OR5K1: variants seen among roughly 807,000 people sequenced by gnomAD.
OR5K1 encodes olfactory receptor family 5 subfamily K member 1.
A neutral mutation model predicts 10.4 loss-of-function variants in OR5K1; 7 were observed. That is an observed-to-expected ratio of 0.67 (90% CI 0.38 to 1.26). OR5K1 has a LOEUF of 1.26. OR5K1 is among the 50% of genes most tolerant of loss of function. The pLI, the probability that OR5K1 is intolerant of heterozygous loss-of-function variation, is 0.02. For missense variants in OR5K1, 435 were observed against 366.2 expected (o/e 1.19, Z -1.53); for synonymous variants, 135 against 128.5 (o/e 1.05, Z -0.34).
chr3:98,465,463 A>G (rs1559639267), intron 1 of OR5K1, among the ~76,000 whole-genome samples: 1 of 152,162 alleles, frequency 6.6e-6, no homozygotes, highest in African/African-American at 2.4e-5. Flanking sequence ...TCTTTGTAGA[A>G]GAGTCTAATT....
At position 98,470,343 on chromosome 3, in the gene OR5K1, T is replaced by C. The variant is rs370522662; in HGVS notation, c.767T>C (p.Phe256Ser). Reference protein sequence around the residue: ...LSVSLFYGSLFFMYVRPNLLE... With the variant: ...LSVSLFYGSLSFMYVRPNLLE... ...GTTTCATTATTCTATGGATCTCTTT[T>C]CTTCATGTACGTTAGACCAAATTTG... The change falls in exon 2 of 2, where the codon TTC (phenylalanine) becomes TCC (serine). Residue 256 changes from phenylalanine to serine, a missense_variant. Coordinates refer to ENST00000642057, the MANE Select transcript of OR5K1 (RefSeq NM_001004736.4). 6.8e-6 allele frequency: 11 copies of C among 1,613,212 alleles called. No homozygotes were observed. In the African/African-American group the frequency reaches 9.4e-5, roughly 14 times the overall value.
At chr3:98,463,870 A>G (rs1329124141) in intron 1 of OR5K1, among the ~76,000 whole-genome samples, 1 of 152,202 alleles carries the variant, frequency 6.6e-6, no homozygotes, top group Non-Finnish European at 1.5e-5. Flanking sequence ...ATTTTATATT[A>G]TATAACTTCA....
intron 1 of OR5K1, 170 bp from the exon 2 acceptor site, chr3:98,469,396 G>A: frequency 3.2e-6 from 2 of 620,792 alleles, no homozygotes; most frequent in East Asian, 2.8e-5. Flanking sequence ...TAGCCAAAGA[G>A]GTAATTCCTT....
chr3:98,466,162 T>C (rs1705373231), intron 1 of OR5K1, among the ~76,000 whole-genome samples: 2 of 148,394 alleles, frequency 1.3e-5, no homozygotes, highest in South Asian at 2.2e-4. Flanking sequence ...GGTTTTTTGT[T>C]CTTGCGATAG....
intron 1 of OR5K1, among the ~76,000 whole-genome samples, chr3:98,468,418 TC>T (rs1399168860): frequency 6.6e-6 from 1 of 152,088 alleles, no homozygotes; most frequent in East Asian, 1.9e-4. Context: ...AATACAGCCA[TC>T]ACCACTACTC....
Position 98,470,256 on chromosome 3 carries a change from A to G in OR5K1, c.680A>G (p.Lys227Arg), listed in dbSNP as rs765234057. Residue 227 changes from lysine to arginine, a missense_variant, in exon 2 of 2, where the codon AAA (lysine) becomes AGA (arginine). Physicochemically the swap from Lys to Arg is conservative, Grantham distance 26. Transcript: ENST00000642057. ...SYLYILLTIF[K>R]MKSKEGRAKA... ...CTCTATATTCTTCTTACTATTTTCA[A>G]AATGAAATCCAAAGAGGGAAGGGCC... The G allele has an allele frequency of 7.4e-6, 12 of 1,613,128 alleles. No homozygotes were observed. The highest frequency in any genetic ancestry group is 4.5e-5 in the East Asian group (2 of 44,856).
Position 98,471,706 on chromosome 3 carries a change from C to T in OR5K1, c.*1203C>T, listed in dbSNP as rs1454933490. ...TCCCTTCCACCTCTTGCTCTGAGGACCTGTCTAAATTCCCAGAAAGCAATT... is the reference window on the plus strand; with the variant it reads ...TCCCTTCCACCTCTTGCTCTGAGGATCTGTCTAAATTCCCAGAAAGCAATT... On this transcript the variant is annotated 3_prime_UTR_variant, in exon 2 of 2. Transcript: ENST00000642057. The T allele has an allele frequency of 6.6e-6, 1 of 151,918 alleles. No individual in the cohort carries two copies. Among genetic ancestry groups the T allele is most frequent in the Non-Finnish European group, 1.5e-5 (1 of 67,924 alleles). The allele number at this position is 151,918 out of a possible 1,614,324, so 9.4% of individuals were successfully genotyped here.
chr3:98,469,593 A>G lies in OR5K1; in HGVS notation c.17A>G (p.His6Arg), dbSNP rs751809048. Residue 6 changes from histidine (H) to arginine (R), a missense_variant, in exon 2 of 2, where the codon CAT (histidine) becomes CGT (arginine). His to Arg is a conservative substitution (Grantham distance 29). Coordinates refer to ENST00000642057, the MANE Select transcript of OR5K1 (RefSeq NM_001004736.4). ...AAGTCAGGAATGGCTGAAGAAAATC[A>G]TACCATGAAAAATGAGTTTATCCTC... MAEENHTMKNEFILTG... is the reference protein window; with the variant it reads MAEENRTMKNEFILTG... The G allele has an allele frequency of 1.2e-6, 2 of 1,608,878 alleles. No individual in the cohort carries two copies. Among genetic ancestry groups the G allele is most frequent in the East Asian group, 4.5e-5 (2 of 44,784 alleles).
rs746863326 is a variant in OR5K1 at position 98,469,975 on chromosome 3, C to T, written c.399C>T (p.His133=). The change falls in exon 2 of 2, where the codon CAC becomes CAT. Residue 133 remains histidine (H), a synonymous_variant. Coordinates refer to ENST00000642057, the MANE Select transcript of OR5K1 (RefSeq NM_001004736.4). ...CCATATGCAACCCACTGCAGTACCA[C>T]ATCATGATGTCCAAGAAACTCTGCA... is the stretch of plus-strand genomic sequence containing the variant. ...YVAICNPLQY[H]IMMSKKLCIQ... The T allele has an allele frequency of 1.2e-6, 2 of 1,613,580 alleles. No individual in the cohort carries two copies. The highest frequency in any genetic ancestry group is 1.7e-5 in the Admixed American group (1 of 59,850).
At position 98,470,118 on chromosome 3, in the gene OR5K1, T is replaced by C. The variant is rs369149810; in HGVS notation, c.542T>C (p.Ile181Thr). 77 of 1,613,562 alleles carry C rather than the reference T, an allele frequency of 4.8e-5. No individual in the cohort carries two copies. Among genetic ancestry groups the C allele is most frequent in the Non-Finnish European group, 6.2e-5 (73 of 1,179,722 alleles). ...CACATCAACCACTTTTACTGTGATA[T>C]TCTTCCCTTGTATAGACTCTCTTGT... is the stretch of plus-strand genomic sequence containing the variant. ...SNHINHFYCD[I>T]LPLYRLSCVD... The change falls in exon 2 of 2, where the codon ATT becomes ACT. Residue 181 changes from isoleucine to threonine, a missense_variant. Coordinates refer to ENST00000642057, the MANE Select transcript of OR5K1 (RefSeq NM_001004736.4).
At position 98,469,847 on chromosome 3, in the gene OR5K1, A is replaced by G; in HGVS notation, c.271A>G (p.Arg91Gly). Residue 91 changes from arginine to glycine, a missense_variant, in exon 2 of 2, where the codon AGG becomes GGG. Physicochemically the swap from Arg to Gly is moderately radical, Grantham distance 125. Coordinates refer to ENST00000642057, the MANE Select transcript of OR5K1 (RefSeq NM_001004736.4). The stretch of plus-strand genomic sequence containing the variant: ...AGAGAACTTCTTTTCTGAGAACAAA[A>G]GGATTTCCCTCTATGAATGTGCAGT... ...MLENFFSENK[R>G]ISLYECAVQF... 6.2e-7 allele frequency: 1 copy of G among 1,613,790 alleles called. No homozygotes were observed.
chr3:98,469,399 A>T, intron 1 of OR5K1, 167 bp from the exon 2 acceptor site: 1 of 626,022 alleles, frequency 1.6e-6, no homozygotes, highest in Non-Finnish European at 2.8e-6. Context: ...CCAAAGAGGT[A>T]ATTCCTTTAT....
At chr3:98,464,437 C>T (rs1377813450) in intron 1 of OR5K1, among the ~76,000 whole-genome samples, 1 of 152,068 alleles carries the variant, frequency 6.6e-6, no homozygotes, top group Non-Finnish European at 1.5e-5. Flanking sequence ...AGAAAACTGT[C>T]TATCTAGAAA....
intron 1 of OR5K1, among the ~76,000 whole-genome samples, chr3:98,465,652 C>T (rs1415889750): frequency 1.3e-5 from 2 of 151,920 alleles, no homozygotes; most frequent in Non-Finnish European, 2.9e-5. Flanking sequence ...AGCCTCATAG[C>T]TATTTTAAAT....
chr3:98,465,479 T>C (rs1705360716), intron 1 of OR5K1, among the ~76,000 whole-genome samples: 1 of 152,152 alleles, frequency 6.6e-6, no homozygotes, highest in Non-Finnish European at 1.5e-5. Context: ...TAATTATTTC[T>C]TTCTGGTCAA....
rs576454001 is a variant in OR5K1, at chr3:98,470,040, A to G, written c.464A>G (p.His155Arg). 6.4e-5 allele frequency: 103 copies of G among 1,613,682 alleles called. No individual in the cohort carries two copies. The South Asian group carries it at 1.1e-3, about 17-fold the overall frequency. The change falls in exon 2 of 2, where the codon CAT becomes CGT. Residue 155 changes from histidine to arginine, a missense_variant. Transcript: ENST00000642057. ...TTGAFIAGNLHSMIHVGLVFR... is the reference protein window; with the variant it reads ...TTGAFIAGNLRSMIHVGLVFR... ...GGGGCCTTCATAGCTGGAAACCTGC[A>G]TTCCATGATTCATGTAGGGCTTGTA...
intron 1 of OR5K1, among the ~76,000 whole-genome samples, chr3:98,469,193 G>A (rs376559699): frequency 6.6e-6 from 1 of 151,990 alleles, no homozygotes; most frequent in Non-Finnish European, 1.5e-5. Flanking sequence ...CAGAAAACCA[G>A]GTATTGCATG....
Position 98,470,158 on chromosome 3 carries a change from C to A in OR5K1, c.582C>A (p.Ile194=). The change falls in exon 2 of 2, where the codon ATC becomes ATA. Residue 194 remains isoleucine, a synonymous_variant. Transcript: ENST00000642057. ...GACTCTCTTGTGTTGATCCTTATAT[C>A]AATGAACTGGTTCTATTCATCTTCT... ...LYRLSCVDPY[I]NELVLFIFSG... 6.2e-7 allele frequency: 1 copy of A among 1,613,388 alleles called. No individual in the cohort carries two copies.
chr3:98,472,239 T>TCG lies in OR5K1; in HGVS notation c.*1737_*1738insGC, dbSNP rs1197535827. 30 of 150,142 alleles carry TCG rather than the reference T, an allele frequency of 2.0e-4. No homozygotes were observed. The highest frequency in any genetic ancestry group is 7.2e-4 in the African/African-American group (29 of 40,248). 9.3% of individuals were successfully genotyped at this position (150,142 alleles called of 1,614,324 possible). ...CCCACAAGGCTTTGGGTTGGCTGGC[T>TCG]CTCTCTCTCTTACTCTTCATCTGCT... is the stretch of plus-strand genomic sequence containing the variant. On this transcript the variant is annotated 3_prime_UTR_variant, in exon 2 of 2. Coordinates refer to ENST00000642057, the MANE Select transcript of OR5K1 (RefSeq NM_001004736.4).
Sources: allele counts gnomAD v4.1 joint callset (sites outside exome capture counted in the v4.1 genomes callset), GRCh38; gene constraint gnomAD v4.1.1; transcripts MANE v1.5; gene names NCBI Gene and HGNC (gene_info 2026-07-23, HGNC 2026-07-21).